Variants in ROR1 observed in about 807,000 individuals in gnomAD.
The protein encoded by ROR1 is ROR family WNT receptor 1.
A neutral mutation model predicts 78.8 loss-of-function variants in ROR1; 19 were observed. The observed-to-expected ratio is 0.24, with a 90% CI of 0.17 to 0.35. The LOEUF is 0.35. Ranked by LOEUF, ROR1 falls within the 10% of genes least tolerant of loss-of-function variation. The probability of loss-of-function intolerance (pLI) is 1.00; values close to 1 mark genes in which losing one functional copy is unlikely to be tolerated. For missense variants in ROR1, 917 were observed against 1,177.8 expected, an observed-to-expected ratio of 0.78 and a Z score of 3.24; for synonymous variants, 386 against 433.6, an observed-to-expected ratio of 0.89 and a Z score of 1.36.
intron 4 of ROR1, among the ~76,000 whole-genome samples, chr1:64,077,481 G>T (rs777074232): frequency 2.0e-5 from 3 of 152,262 alleles, no homozygotes; most frequent in Non-Finnish European, 4.4e-5. Flanking sequence ...TCTGGGAAGA[G>T]AGAAGCAGGC....
chr1:63,915,325 C>G (rs1645600816), intron 1 of ROR1, among the ~76,000 whole-genome samples: 1 of 152,086 alleles, frequency 6.6e-6, no homozygotes, highest in African/African-American at 2.4e-5. Flanking sequence ...GTCACTGCCC[C>G]CTGGTGTATA....
chr1:64,047,355 C>T (rs1206139860), intron 2 of ROR1, among the ~76,000 whole-genome samples: 1 of 152,194 alleles, frequency 6.6e-6, no homozygotes, highest in Non-Finnish European at 1.5e-5. Flanking sequence ...CACTCACTTT[C>T]ATTTTAATCC....
chr1:64,012,518 A>G (rs1646484441), intron 2 of ROR1, among the ~76,000 whole-genome samples: 1 of 152,234 alleles, frequency 6.6e-6, no homozygotes. Flanking sequence ...AAATGTCTCA[A>G]CATCCTCATG....
intron 1 of ROR1, chr1:63,788,707 G>C: frequency 2.7e-6 from 1 of 369,568 alleles, no homozygotes; most frequent in East Asian, 6.0e-5. Flanking sequence ...CAGACAAAGT[G>C]GAAGTTTTTA....
chr1:63,966,379 G>C (rs564124212), intron 1 of ROR1, among the ~76,000 whole-genome samples: 7 of 152,228 alleles, frequency 4.6e-5, no homozygotes, highest in African/African-American at 1.7e-4. Context: ...CACCACCATG[G>C]CTTTTAATGA....
At chr1:63,974,772 G>A (rs1351886122) in intron 1 of ROR1, among the ~76,000 whole-genome samples, 1 of 152,124 alleles carries the variant, frequency 6.6e-6, no homozygotes, top group Non-Finnish European at 1.5e-5. Context: ...TGAGTAGCTA[G>A]AACTATATAG....
intron 2 of ROR1, among the ~76,000 whole-genome samples, chr1:64,035,264 C>T (rs1646692900): frequency 6.6e-6 from 1 of 152,186 alleles, no homozygotes; most frequent in Non-Finnish European, 1.5e-5. Context: ...TCAAGTTTGT[C>T]AGAGTTTCTA....
At chr1:64,009,480 A>G (rs1646458364) in intron 2 of ROR1, 104 bp downstream of exon 2, 1 of 844,262 alleles carries the variant, frequency 1.2e-6, no homozygotes, top group Middle Eastern at 2.3e-4. Flanking sequence ...GATCACTGCA[A>G]GGAGGTGGGG....
intron 4 of ROR1, among the ~76,000 whole-genome samples, chr1:64,108,577 TGGCCGTGGGAATCACTATG>T (rs1280082261): frequency 6.6e-6 from 1 of 152,128 alleles, no homozygotes; most frequent in East Asian, 1.9e-4. Flanking sequence ...AGGGCAGAGC[TGGCCGTGGGAATCACTATG>T]GGGCTCCCAG....
intron 1 of ROR1, among the ~76,000 whole-genome samples, chr1:63,919,623 C>T (rs558786433): frequency 2.0e-4 from 30 of 151,764 alleles, no homozygotes; most frequent in African/African-American, 5.3e-4. Context: ...TTTTGGAAGA[C>T]GAGATATTGG....
intron 1 of ROR1, among the ~76,000 whole-genome samples, chr1:63,787,566 G>A (rs1486069900): frequency 1.5e-5 from 2 of 132,434 alleles, no homozygotes; most frequent in African/African-American, 5.7e-5. Context: ...CACTCTTGTT[G>A]CCCAAGCTGG....
At chr1:63,800,189 G>A (rs1037557457) in intron 1 of ROR1, among the ~76,000 whole-genome samples, 3 of 152,084 alleles carry the variant, frequency 2.0e-5, no homozygotes, top group Non-Finnish European at 4.4e-5. Flanking sequence ...ATGTTTCTCC[G>A]CATGGATGTT....
intron 7 of ROR1, 75 bp downstream of exon 7, chr1:64,142,725 A>G: frequency 6.3e-7 from 1 of 1,580,020 alleles, no homozygotes; most frequent in South Asian, 1.2e-5. Flanking sequence ...TATTTAGGAG[A>G]ATCCTATAAG....
At chr1:63,809,663 T>C (rs569521534) in intron 1 of ROR1, among the ~76,000 whole-genome samples, 9 of 152,332 alleles carry the variant, frequency 5.9e-5, no homozygotes, top group South Asian at 4.1e-4. Context: ...GTTTTAAGAA[T>C]TGAGTGTTTC....
Position 64,066,176 on chromosome 1 carries a change from T to C in ROR1, c.482+15460T>C, listed in dbSNP as rs552123685. Among the ~76,000 whole-genome samples, 5 of 152,320 alleles carry C rather than the reference T, an allele frequency of 3.3e-5. No individual in the cohort carries two copies. In the South Asian group the frequency reaches 6.2e-4, roughly 19 times the overall value. ...CTAAGACTGCTGGGTAGCTGTCCTA[T>C]GTGCTTACATGAAACCCCAACTTTC... On this transcript the variant is annotated intron_variant, in intron 4 of 8. Coordinates refer to ENST00000371079, the MANE Select transcript of ROR1 (RefSeq NM_005012.4).
intron 1 of ROR1, among the ~76,000 whole-genome samples, chr1:63,918,890 C>T (rs1004274796): frequency 2.0e-5 from 3 of 152,144 alleles, no homozygotes; most frequent in Admixed American, 2.0e-4. Flanking sequence ...CTCCGCGAGA[C>T]AATGACCAGC....
At chr1:63,886,753 A>G (rs545048569) in intron 1 of ROR1, among the ~76,000 whole-genome samples, 24 of 152,228 alleles carry the variant, frequency 1.6e-4, no homozygotes, top group Admixed American at 9.8e-4. Context: ...TATTTAAACT[A>G]TTAGGAGAGA....
chr1:63,902,812 G>A (rs1569884669), intron 1 of ROR1, among the ~76,000 whole-genome samples: 1 of 152,254 alleles, frequency 6.6e-6, no homozygotes, highest in Non-Finnish European at 1.5e-5. Context: ...CATGGAAACT[G>A]ACATTTCCAT....
intron 7 of ROR1, among the ~76,000 whole-genome samples, chr1:64,156,223 T>C (rs1415550862): frequency 2.0e-5 from 3 of 152,134 alleles, no homozygotes; most frequent in Non-Finnish European, 4.4e-5. Flanking sequence ...TTGCTTGGAG[T>C]GGCAAAGGGC....
Sources: gnomAD v4.1 joint callset for allele counts (sites outside exome capture counted in the v4.1 genomes callset) on GRCh38, gnomAD v4.1.1 for gene constraint, MANE v1.5 for transcripts, NCBI Gene and HGNC (gene_info 2026-07-23, HGNC 2026-07-21) for gene names.